Variants in AVPI1 observed in about 807,000 individuals in gnomAD.
AVPI1 encodes the protein arginine vasopressin induced 1, also known as arginine vasopressin-induced protein 1.
In AVPI1, 9 loss-of-function variants were observed where a neutral mutation model predicts 11.9. The ratio of observed to expected loss-of-function variants is 0.76; its 90% CI spans 0.46 to 1.32. The LOEUF (loss-of-function observed/expected upper bound fraction) is 1.32, where lower values mean the gene tolerates loss of function less well. Among genes scored for constraint, AVPI1 ranks in the 40% most tolerant of loss-of-function variants. AVPI1 has a pLI of 0.00. For missense variants in AVPI1, 207 were observed against 195.8 expected, an observed-to-expected ratio of 1.06 and a Z score of -0.34; for synonymous variants, 68 against 78.1, an observed-to-expected ratio of 0.87 and a Z score of 0.68.
chr10:97,678,960 T>TC (rs1564779958), intron 2 of AVPI1, among the ~76,000 whole-genome samples: 2 of 47,656 alleles, frequency 4.2e-5, no homozygotes. Flanking sequence ...TGTGTGTGTG[T>TC]GTGTGTGTGT....
rs948462563 is a variant in AVPI1, at chr10:97,677,726, G to C, written c.*143C>G. 18 of 945,186 alleles carry C rather than the reference G, an allele frequency of 1.9e-5. No individual in the cohort carries two copies. Among genetic ancestry groups the C allele is most frequent in the Non-Finnish European group, 2.2e-5 (14 of 638,146 alleles). The allele number at this position is 945,186 out of a possible 1,614,324, so 58.5% of individuals were successfully genotyped here. A position where few individuals can be genotyped will look rare whatever the true frequency, so the allele number is the denominator to read the frequency against. ...GAGCTCAACAGAAGCATCCAGTCTT[G>C]TTCTGAATGGAGCAGGTCAGTGGCA... On this transcript the variant is annotated 3_prime_UTR_variant, in exon 3 of 3. Coordinates refer to ENST00000370626, the MANE Select transcript of AVPI1 (RefSeq NM_021732.3).
chr10:97,678,964 T>TCA lies in AVPI1; in HGVS notation c.287+654_287+655insTG, dbSNP rs1589942650. On this transcript the variant is annotated intron_variant, in intron 2 of 2. Transcript: ENST00000370626. ...GTGTGTGTGTGTGTGTGTGTGTGTG[T>TCA]GTGTGTGTGTGTGTGTGTGTGTGTG... Among the ~76,000 whole-genome samples, 3 of 65,338 alleles carry TCA rather than the reference T, an allele frequency of 4.6e-5. 1 individual carries two copies. In the East Asian group the frequency reaches 1.1e-3, roughly 24 times the overall value. The allele number at this position is 65,338 out of a possible 152,430, so 42.9% of individuals were successfully genotyped here.
intron 1 of AVPI1, among the ~76,000 whole-genome samples, chr10:97,681,442 C>T (rs1271694903): frequency 2.0e-5 from 3 of 151,852 alleles, no homozygotes; most frequent in African/African-American, 7.3e-5. Flanking sequence ...AGTAGCCGGG[C>T]GTGGTGGCGC....
intron 1 of AVPI1, among the ~76,000 whole-genome samples, chr10:97,684,039 T>A (rs1564781423): frequency 6.6e-6 from 1 of 152,130 alleles, no homozygotes; most frequent in Non-Finnish European, 1.5e-5. Flanking sequence ...GCTAACTGGG[T>A]GCTAGGAAAT....
intron 2 of AVPI1, among the ~76,000 whole-genome samples, chr10:97,678,967 G>C (rs1252883881): frequency 1.3e-4 from 12 of 93,206 alleles, no homozygotes; most frequent in South Asian, 1.1e-3. Context: ...GTGTGTGTGT[G>C]TGTGTGTGTG....
At position 97,679,856 on chromosome 10, in the gene AVPI1, G is replaced by A. The variant is rs199613945; in HGVS notation, c.50C>T (p.Pro17Leu). 4 of 1,601,888 alleles carry A rather than the reference G, an allele frequency of 2.5e-6. No individual in the cohort carries two copies. The highest frequency in any genetic ancestry group is 2.2e-5 in the East Asian group (1 of 44,494). The change falls in exon 2 of 3, where the codon CCG (proline) becomes CTG (leucine). Residue 17 changes from proline (P) to leucine (L), a missense_variant. Pro to Leu is a moderately conservative substitution (Grantham distance 98). Transcript: ENST00000370626. ...VVSEPPPWQA[P>L]IEARGRKQAS... is the part of the protein sequence containing the mutation. The stretch of plus-strand genomic sequence containing the variant: ...CTGCTTGCGGCCCCGGGCCTCAATC[G>A]GGGCCTGCCAAGGGGGTGGCTCACT...
chr10:97,684,779 C>A (rs1391670305), intron 1 of AVPI1, among the ~76,000 whole-genome samples: 1 of 152,016 alleles, frequency 6.6e-6, no homozygotes, highest in Non-Finnish European at 1.5e-5. Flanking sequence ...GGATTATAGG[C>A]GTGAGCCACC....
intron 1 of AVPI1, among the ~76,000 whole-genome samples, chr10:97,681,412 G>T (rs548229259): frequency 5.9e-4 from 90 of 151,936 alleles, no homozygotes; most frequent in Non-Finnish European, 1.1e-3. Flanking sequence ...GAGAAACTCC[G>T]TCTCTACTAA....
intron 1 of AVPI1, among the ~76,000 whole-genome samples, chr10:97,681,803 G>A (rs1393251433): frequency 6.7e-6 from 1 of 149,264 alleles, no homozygotes; most frequent in Non-Finnish European, 1.5e-5. Flanking sequence ...GCGTGAACCC[G>A]GGAAGCGGAG....
Position 97,679,951 on chromosome 10 carries a change from G to T in AVPI1, c.-10-36C>A, listed in dbSNP as rs201760100. The T allele has an allele frequency of 4.7e-6, 7 of 1,490,388 alleles. No homozygotes were observed. In the East Asian group the frequency reaches 1.5e-4, roughly 31 times the overall value. 92.3% of individuals were successfully genotyped at this position (1,490,388 alleles called of 1,614,324 possible). ...AAAGCATGGAGACATCATCAACTCA[G>T]CTGGTCCTTCCCAGACCTGGGGGTC... On this transcript the variant is annotated intron_variant, in intron 1 of 2. Transcript: ENST00000370626.
In AVPI1 at chr10:97,683,176, AGAGT is replaced by A. The variant is rs2041713012; in HGVS notation, c.-10-3265_-10-3262del. Among the ~76,000 whole-genome samples, 3 of 151,546 alleles carry A rather than the reference AGAGT, an allele frequency of 2.0e-5. No individual in the cohort carries two copies. The South Asian group carries it at 6.2e-4, about 32-fold the overall frequency. On this transcript the variant is annotated intron_variant, in intron 1 of 2. Coordinates refer to ENST00000370626, the MANE Select transcript of AVPI1 (RefSeq NM_021732.3). ...TGCTTTTATTTTTATTTTTTTTTTGAGAGTGAGTTTTGCTCTTGTTGTCCAGGTT... is the reference window on the plus strand; with the variant it reads ...TGCTTTTATTTTTATTTTTTTTTTGAGAGTTTTGCTCTTGTTGTCCAGGTT...
Position 97,679,746 on chromosome 10 carries a change from G to C in AVPI1, c.160C>G (p.Arg54Gly). Residue 54 changes from arginine to glycine, a missense_variant, in exon 2 of 3, where the codon CGG becomes GGG. Physicochemically the swap from Arg to Gly is moderately radical, Grantham distance 125 (BLOSUM62 -2). Coordinates refer to ENST00000370626, the MANE Select transcript of AVPI1 (RefSeq NM_021732.3). The part of the protein sequence containing the change: ...QRSGDQLAEE[R>G]AQIIWECAGD... ...GCACATTCCCAGATGATCTGTGCCC[G>C]TTCCTCGGCCAGCTGGTCCCCGCTG... 1 of 1,614,102 alleles carries C rather than the reference G, an allele frequency of 6.2e-7. No homozygotes were observed.
At chr10:97,686,025 G>A (rs1395282141) in intron 1 of AVPI1, among the ~76,000 whole-genome samples, 2 of 152,180 alleles carry the variant, frequency 1.3e-5, no homozygotes, top group Non-Finnish European at 2.9e-5. Context: ...GCTCACGCCT[G>A]TAATCCCAGC....
At chr10:97,681,832 T>C (rs2041705783) in intron 1 of AVPI1, among the ~76,000 whole-genome samples, 2 of 143,778 alleles carry the variant, frequency 1.4e-5, no homozygotes, top group Non-Finnish European at 3.0e-5. Context: ...GAGCCGAGAT[T>C]GCGCCACTGC....
At chr10:97,678,241 A>G (rs918312306) in intron 2 of AVPI1, among the ~76,000 whole-genome samples, 2 of 152,324 alleles carry the variant, frequency 1.3e-5, no homozygotes, top group South Asian at 2.1e-4. Flanking sequence ...AGGTTGTGCA[A>G]AACTCAACAT....
In AVPI1 at chr10:97,683,164, A is replaced by T. The variant is rs1203578057; in HGVS notation, c.-10-3249T>A. Reference sequence around the variant, plus strand: ...GACTGCAGCCCATGCTTTTATTTTTATTTTTTTTTTGAGAGTGAGTTTTGC... The same window carrying T: ...GACTGCAGCCCATGCTTTTATTTTTTTTTTTTTTTTGAGAGTGAGTTTTGC... On this transcript the variant is annotated intron_variant, in intron 1 of 2. Coordinates refer to ENST00000370626, the MANE Select transcript of AVPI1 (RefSeq NM_021732.3). Among the ~76,000 whole-genome samples the T allele has an allele frequency of 6.0e-5, 9 of 149,844 alleles. No homozygotes were observed. In the South Asian group the frequency reaches 6.3e-4, roughly 11 times the overall value.
chr10:97,678,880 G>GGTGTGTGTGTGT (rs1255604041), intron 2 of AVPI1, among the ~76,000 whole-genome samples: 5 of 113,440 alleles, frequency 4.4e-5, no homozygotes, highest in African/African-American at 1.0e-4. Flanking sequence ...GCGGGGGGAG[G>GGTGTGTGTGTGT]GTGTGTGTGT....
intron 1 of AVPI1, 61 bp from the exon 2 acceptor site, chr10:97,679,976 C>T (rs2041696252): frequency 7.1e-7 from 1 of 1,401,350 alleles, no homozygotes; most frequent in African/African-American, 1.4e-5. Context: ...ACCTGGGGGT[C>T]CTGGCTAATC....
intron 1 of AVPI1, among the ~76,000 whole-genome samples, chr10:97,681,925 A>G (rs1183758469): frequency 6.6e-6 from 1 of 151,690 alleles, no homozygotes; most frequent in Non-Finnish European, 1.5e-5. Flanking sequence ...AAAAGAATAC[A>G]ATGATACAAC....
Sources: allele counts gnomAD v4.1 joint callset (sites outside exome capture counted in the v4.1 genomes callset), GRCh38; gene constraint gnomAD v4.1.1; transcripts MANE v1.5; gene names NCBI Gene and HGNC (gene_info 2026-07-23, HGNC 2026-07-21).